HMGCS1: variants seen among roughly 807,000 people sequenced by gnomAD.
The protein encoded by HMGCS1 is 3-hydroxy-3-methylglutaryl-CoA synthase 1.
HMGCS1 carries 9 observed loss-of-function variants against 52.3 expected under a neutral mutation model. The ratio of observed to expected loss-of-function variants is 0.17; its 90% CI spans 0.10 to 0.30. The LOEUF (loss-of-function observed/expected upper bound fraction) is 0.30. Ranked by LOEUF, HMGCS1 falls within the 10% of genes least tolerant of loss-of-function variation. The pLI is 1.00. For missense variants in HMGCS1, 320 were observed against 620.9 expected (o/e 0.52, Z 5.15); for synonymous variants, 176 against 214.4 (o/e 0.82, Z 1.57).
intron 7 of HMGCS1, 180 bp from the exon 8 acceptor site, chr5:43,294,342 T>C: frequency 1.8e-6 from 1 of 544,466 alleles, no homozygotes; most frequent in Non-Finnish European, 3.3e-6. Context: ...AGTTTTAATA[T>C]TGCAGCATGT....
In HMGCS1 at chr5:43,291,234, A is replaced by G. The variant is rs1395599450; in HGVS notation, c.1474-14T>C. ...GCTTGGAATATGCTAAAATGAAAGG[A>G]AAAAAGTTGATGGCTCTTATGATTC... is the stretch of plus-strand genomic sequence containing the variant. On this transcript the variant is annotated splice_polypyrimidine_tract_variant and intron_variant, in intron 10 of 10. Coordinates refer to ENST00000325110, the MANE Select transcript of HMGCS1 (RefSeq NM_001098272.3). The G allele has an allele frequency of 6.6e-7, 1 of 1,519,976 alleles. No homozygotes were observed. The highest frequency in any genetic ancestry group is 1.7e-5 in the Admixed American group (1 of 59,886). 94.2% of individuals were successfully genotyped at this position (1,519,976 alleles called of 1,614,324 possible).
At chr5:43,301,837 T>A (rs761247106) in intron 2 of HMGCS1, among the ~76,000 whole-genome samples, 13 of 152,220 alleles carry the variant, frequency 8.5e-5, no homozygotes, top group Non-Finnish European at 1.6e-4. Flanking sequence ...ACTGACTAGA[T>A]GTTAGGGAAA....
chr5:43,303,891 T>A (rs936317073), intron 2 of HMGCS1, among the ~76,000 whole-genome samples: 1 of 152,208 alleles, frequency 6.6e-6, no homozygotes, highest in African/African-American at 2.4e-5. Flanking sequence ...CCTACTCCAT[T>A]CATCTTCAAC....
At chr5:43,296,678 T>G (rs779722559) in intron 5 of HMGCS1, among the ~76,000 whole-genome samples, 3 of 152,206 alleles carry the variant, frequency 2.0e-5, no homozygotes, top group Non-Finnish European at 4.4e-5. Flanking sequence ...GAATCACAGC[T>G]GTAGTCCAAA....
intron 2 of HMGCS1, among the ~76,000 whole-genome samples, chr5:43,307,067 ATTT>A (rs59297862): frequency 2.4e-4 from 30 of 123,646 alleles, no homozygotes; most frequent in African/African-American, 4.8e-4. Context: ...TTCTCACATA[ATTT>A]TTTTTTTTTT....
intron 2 of HMGCS1, among the ~76,000 whole-genome samples, chr5:43,304,459 T>C (rs1355339123): frequency 1.3e-5 from 2 of 152,272 alleles, no homozygotes; most frequent in Non-Finnish European, 2.9e-5. Flanking sequence ...GAGCATCATG[T>C]AGCAACACTG....
intron 2 of HMGCS1, among the ~76,000 whole-genome samples, chr5:43,303,331 CT>C (rs1754408844): frequency 6.6e-6 from 1 of 152,166 alleles, no homozygotes; most frequent in African/African-American, 2.4e-5. Context: ...GAATGGGGCC[CT>C]CATGATGGGA....
intron 1 of HMGCS1, among the ~76,000 whole-genome samples, chr5:43,308,277 A>T (rs1284831680): frequency 6.6e-6 from 1 of 152,156 alleles, no homozygotes. Context: ...GCAATTCTGG[A>T]CCTCAGTTTC....
At position 43,287,506 on chromosome 5, in the gene HMGCS1, G is replaced by A. The variant is rs1753548814; in HGVS notation, c.*3625C>T. Reference sequence around the variant, plus strand: ...TCATTTATTTGAGAAGCGATCCCAGGATGCAAGAGAGATGCACAGGAGTGA... The same window carrying A: ...TCATTTATTTGAGAAGCGATCCCAGAATGCAAGAGAGATGCACAGGAGTGA... On this transcript the variant is annotated 3_prime_UTR_variant, in exon 11 of 11. Transcript: ENST00000325110. 6.6e-6 allele frequency: 1 copy of A among 152,042 alleles called. No individual in the cohort carries two copies. The highest frequency in any genetic ancestry group is 2.4e-5 in the African/African-American group (1 of 41,386). The allele number at this position is 152,042 out of a possible 1,614,324, so 9.4% of individuals were successfully genotyped here.
At chr5:43,306,894 G>C (rs1754604611) in intron 2 of HMGCS1, among the ~76,000 whole-genome samples, 1 of 151,880 alleles carries the variant, frequency 6.6e-6, no homozygotes, top group Non-Finnish European at 1.5e-5. Context: ...TAAATGAAAT[G>C]GTACTAGACT....
In HMGCS1 at chr5:43,298,495, C is replaced by G. The variant is rs781457001; in HGVS notation, c.448+23G>C. On this transcript the variant is annotated intron_variant, in intron 3 of 10. Transcript: ENST00000325110. This position sits in a 1 kb window ranked among gnomAD's most constrained non-coding sequence, Gnocchi z 5.6. ...CTTAGAAAAAAATTTTGGGGGACGG[C>G]GGGGAATAGGCATGTAACATACCAT... The G allele has an allele frequency of 6.3e-7, 1 of 1,577,720 alleles. No homozygotes were observed. Among genetic ancestry groups the G allele is most frequent in the South Asian group, 1.1e-5 (1 of 87,276 alleles).
chr5:43,303,782 T>C (rs1754433655), intron 2 of HMGCS1, among the ~76,000 whole-genome samples: 1 of 152,224 alleles, frequency 6.6e-6, no homozygotes, highest in African/African-American at 2.4e-5. Flanking sequence ...AACAATGTCA[T>C]CACCAACATT....
At chr5:43,310,548 G>A (rs990746490) in intron 1 of HMGCS1, among the ~76,000 whole-genome samples, 1 of 152,154 alleles carries the variant, frequency 6.6e-6, no homozygotes, top group Non-Finnish European at 1.5e-5. Flanking sequence ...GCTGAATTTG[G>A]AGTTATAACT....
intron 10 of HMGCS1, 87 bp downstream of exon 10, chr5:43,292,387 C>A (rs78847134): frequency 2.6e-5 from 18 of 683,302 alleles, no homozygotes; most frequent in Admixed American, 6.2e-5. Context: ...AGCCCTTACT[C>A]TTCTTTACTG....
chr5:43,298,083 T>C lies in HMGCS1; in HGVS notation c.500A>G (p.Asn167Ser). 1.2e-6 allele frequency: 2 copies of C among 1,613,580 alleles called. No individual in the cohort carries two copies. The highest frequency in any genetic ancestry group is 1.3e-5 in the African/African-American group (1 of 75,004). Residue 167 changes from asparagine (N) to serine (S), a missense_variant, in exon 4 of 11, where the codon AAT becomes AGT. By Grantham distance (46) the Asn-to-Ser change is conservative (BLOSUM62 1). This residue lies in a region of HMGCS1 where 85 missense variants were observed against 260.0 expected (regional missense o/e 0.33). Coordinates refer to ENST00000325110, the MANE Select transcript of HMGCS1 (RefSeq NM_001098272.3). This position sits in a 1 kb window ranked among gnomAD's most constrained non-coding sequence, Gnocchi z 5.6. ...AGDIAVYATG[N>S]ARPTGGVGAV... ...TCCAACTCCACCTGTAGGTCTAGCA[T>C]TTCCTGTGGCATATACAGCAATATC... is the stretch of plus-strand genomic sequence containing the variant.
At chr5:43,305,761 C>A (rs1337586885) in intron 2 of HMGCS1, among the ~76,000 whole-genome samples, 2 of 124,578 alleles carry the variant, frequency 1.6e-5, no homozygotes, top group Admixed American at 1.9e-4. Context: ...CAGCCTGGGT[C>A]ACAGAGTGAG....
In HMGCS1 at chr5:43,288,375, A is replaced by G. The variant is rs1203288663; in HGVS notation, c.*2756T>C. 1 of 152,186 alleles carries G rather than the reference A, an allele frequency of 6.6e-6. No homozygotes were observed. Among genetic ancestry groups the G allele is most frequent in the African/African-American group, 2.4e-5 (1 of 41,438 alleles). The allele number at this position is 152,186 out of a possible 1,614,324, so 9.4% of individuals were successfully genotyped here. A position where few individuals can be genotyped will look rare whatever the true frequency, so the allele number is the denominator to read the frequency against. On this transcript the variant is annotated 3_prime_UTR_variant, in exon 11 of 11. Transcript: ENST00000325110. ...TAAAGAAAGGGTTCACTTTTATGTC[A>G]AGATCAGACAACTTTAAATTATTTA...
At chr5:43,294,542 T>A (rs1247429088) in intron 7 of HMGCS1, 149 bp downstream of exon 7, 4 of 550,700 alleles carry the variant, frequency 7.3e-6, no homozygotes, top group Non-Finnish European at 1.3e-5. Flanking sequence ...CCATACATCT[T>A]TCAAGTCAAT....
Position 43,298,330 on chromosome 5 carries a change from G to C in HMGCS1, c.448+188C>G. ...TGACTAAATTTTGAATAGACCATTT[G>C]TCCTACAAGATAAGATAACCAATTC... is the stretch of plus-strand genomic sequence containing the variant. On this transcript the variant is annotated intron_variant, in intron 3 of 10. Transcript: ENST00000325110. This position sits in a 1 kb window ranked among gnomAD's most constrained non-coding sequence, Gnocchi z 5.6. 1.5e-6 allele frequency: 1 copy of C among 662,612 alleles called. No individual in the cohort carries two copies. Among genetic ancestry groups the C allele is most frequent in the Non-Finnish European group, 2.5e-6 (1 of 395,722 alleles). The allele number at this position is 662,612 out of a possible 1,614,324, so 41.0% of individuals were successfully genotyped here.
Sources: gnomAD v4.1 joint callset for allele counts (sites outside exome capture counted in the v4.1 genomes callset) on GRCh38, gnomAD v4.1.1 for gene constraint, gnomAD v4.1.1 regional missense constraint, Gnocchi (gnomAD v3.1) non-coding constraint, MANE v1.5 for transcripts, NCBI Gene and HGNC (gene_info 2026-07-23, HGNC 2026-07-21) for gene names.